The following PARVB variants were observed in gnomAD, a reference collection of about 807,000 sequenced individuals.
PARVB encodes the protein beta-parvin.
In PARVB, 46 loss-of-function variants were observed where a neutral mutation model predicts 47.0. The observed-to-expected ratio is 0.98, with a 90% CI of 0.77 to 1.25. The LOEUF is 1.25. Among genes scored for constraint, PARVB ranks in the 50% most tolerant of loss-of-function variants. The pLI, the probability that PARVB is intolerant of heterozygous loss-of-function variation, is 0.00. For synonymous variants in PARVB, 196 were observed against 196.3 expected (o/e 1.00, Z 0.01); for missense variants, 473 against 471.6 (o/e 1.00, Z -0.03).
At chr22:44,041,462 G>A (rs777825417) in intron 1 of PARVB, among the ~76,000 whole-genome samples, 10 of 151,832 alleles carry the variant, frequency 6.6e-5, no homozygotes, top group Non-Finnish European at 8.8e-5. Flanking sequence ...ACTGCACTCC[G>A]GCCAGGGTGA....
upstream of PARVB, among the ~76,000 whole-genome samples, chr22:44,019,472 G>A (rs1407370668): frequency 2.0e-5 from 3 of 152,190 alleles, no homozygotes; most frequent in Admixed American, 6.5e-5. Context: ...TGCTGGCCTC[G>A]GCCTCTCAAA....
intron 1 of PARVB, among the ~76,000 whole-genome samples, chr22:44,075,033 C>G (rs1239335780): frequency 6.6e-6 from 1 of 152,204 alleles, no homozygotes; most frequent in Non-Finnish European, 1.5e-5. Flanking sequence ...TCCCTGGCCT[C>G]TACACACGAG....
intron 11 of PARVB, among the ~76,000 whole-genome samples, chr22:44,159,207 AT>A (rs1264450390): frequency 6.6e-6 from 1 of 152,224 alleles, no homozygotes; most frequent in Non-Finnish European, 1.5e-5. Flanking sequence ...AAGCGCATGC[AT>A]TTCCAGGCCC....
At chr22:44,060,238 C>T (rs1207703471) in intron 1 of PARVB, among the ~76,000 whole-genome samples, 10 of 152,050 alleles carry the variant, frequency 6.6e-5, no homozygotes, top group Non-Finnish European at 1.5e-5. Context: ...ATCACTTGAA[C>T]CCAGGAGGTG....
chr22:44,154,545 G>A (rs972626210), intron 10 of PARVB, among the ~76,000 whole-genome samples: 1 of 150,640 alleles, frequency 6.6e-6, no homozygotes, highest in African/African-American at 2.4e-5. Flanking sequence ...GTGTGTGTGT[G>A]TGTGTGTGTG....
chr22:44,163,163 C>G lies in PARVB; in HGVS notation c.946-695C>G, dbSNP rs144586535. The stretch of plus-strand genomic sequence containing the variant: ...TCATCCTTTCTGGGCCTCAGTTTCC[C>G]TGTCTGTGAAATGGGGTCACTGTGG... On this transcript the variant is annotated intron_variant, in intron 11 of 12. Transcript: ENST00000338758. Among the ~76,000 whole-genome samples, 304 of 152,302 alleles carry G rather than the reference C, an allele frequency of 2.0e-3. 3 individuals are homozygous for G. The East Asian group carries it at 0.055, about 27-fold the overall frequency.
exon 1 of PARVB, chr22:43,999,211 C>A: frequency 1.4e-6 from 1 of 702,772 alleles, no homozygotes; most frequent in Non-Finnish European, 2.3e-6. Context: ...GTGACTCCTG[C>A]AAAGGCCCTA....
intron 7 of PARVB, among the ~76,000 whole-genome samples, chr22:44,138,632 C>T (rs2053490649): frequency 6.6e-6 from 1 of 152,198 alleles, no homozygotes; most frequent in African/African-American, 2.4e-5. Flanking sequence ...GCAGCATTGC[C>T]ACCTCCTATC....
intron 2 of PARVB, among the ~76,000 whole-genome samples, chr22:44,015,333 G>C (rs2050564909): frequency 6.6e-6 from 1 of 152,036 alleles, no homozygotes. Context: ...GAAAAATCAA[G>C]CTGCAAACAT....
At chr22:44,101,269 C>T (rs890328764) in intron 3 of PARVB, among the ~76,000 whole-genome samples, 22 of 151,874 alleles carry the variant, frequency 1.4e-4, no homozygotes, top group African/African-American at 4.1e-4. Flanking sequence ...ATTAGCCGGG[C>T]GAGGTGGCGG....
intron 1 of PARVB, among the ~76,000 whole-genome samples, chr22:44,053,285 T>C (rs145815892): frequency 0.016 from 2,415 of 152,170 alleles, 31 homozygotes; most frequent in Middle Eastern, 0.037. Context: ...GGTTTCACCA[T>C]GTTGGCCAGG....
intron 10 of PARVB, among the ~76,000 whole-genome samples, chr22:44,154,084 A>C (rs1291612002): frequency 6.6e-6 from 1 of 152,226 alleles, no homozygotes; most frequent in Non-Finnish European, 1.5e-5. Context: ...CCCCACATCC[A>C]TACCAGCTGT....
At chr22:44,151,844 T>C in intron 10 of PARVB, 1 of 348,324 alleles carries the variant, frequency 2.9e-6, no homozygotes, top group Non-Finnish European at 5.5e-6. Context: ...GTGGGTTCCC[T>C]CCAAGGCTGT....
Position 44,070,825 on chromosome 22 carries a change from G to T in PARVB, c.113-23103G>T, listed in dbSNP as rs1037879456. Among the ~76,000 whole-genome samples the T allele has an allele frequency of 4.6e-5, 7 of 152,162 alleles. 1 individual carries two copies. The highest frequency in any genetic ancestry group is 7.3e-5 in the Non-Finnish European group (5 of 68,030). ...TGCCCGCACCTCCTGGGACCTGTGCGGGACTTTGCTCACCTTGCTGTTTCT... is the reference window on the plus strand; with the variant it reads ...TGCCCGCACCTCCTGGGACCTGTGCTGGACTTTGCTCACCTTGCTGTTTCT... On this transcript the variant is annotated intron_variant, in intron 1 of 12. Coordinates refer to ENST00000338758, the MANE Select transcript of PARVB (RefSeq NM_013327.5).
At position 44,024,350 on chromosome 22, in the gene PARVB, C is replaced by T. The variant is rs1474537711; in HGVS notation, c.11C>T (p.Ala4Val). The T allele has an allele frequency of 9.0e-7, 1 of 1,115,238 alleles. No homozygotes were observed. Among genetic ancestry groups the T allele is most frequent in the African/African-American group, 1.7e-5 (1 of 60,006 alleles). 69.1% of individuals were successfully genotyped at this position (1,115,238 alleles called of 1,614,324 possible). The stretch of plus-strand genomic sequence containing the variant: ...CCCCACGCGCGGCCCATGTCCTCCG[C>T]GCCGCGCTCGCCCACCCCGCGGCCC... The part of the protein sequence containing the change: MSS[A>V]PRSPTPRPRR... The change falls in exon 1 of 13, where the codon GCG (alanine) becomes GTG (valine). Residue 4 changes from alanine (A) to valine (V), a missense_variant. Physicochemically the swap from Ala to Val is moderately conservative, Grantham distance 64. Coordinates refer to ENST00000338758, the MANE Select transcript of PARVB (RefSeq NM_013327.5).
chr22:44,115,003 A>T (rs576037672), intron 3 of PARVB: 1 of 83,922 alleles, frequency 1.2e-5, no homozygotes, highest in African/African-American at 6.4e-5. Context: ...ACACAGATAC[A>T]TTGTTACTAA....
At chr22:44,038,063 G>C (rs1185268739) in intron 1 of PARVB, among the ~76,000 whole-genome samples, 1 of 152,230 alleles carries the variant, frequency 6.6e-6, no homozygotes, top group Non-Finnish European at 1.5e-5. Flanking sequence ...CACGTCCCCT[G>C]TTCTCTCTGA....
intron 11 of PARVB, 24 bp from the exon 12 acceptor site, chr22:44,163,834 T>C (rs1251601333): frequency 6.3e-7 from 1 of 1,590,448 alleles, no homozygotes; most frequent in African/African-American, 1.3e-5. Flanking sequence ...ACCCTAACGC[T>C]GACCCACCCC....
At chr22:44,144,997 C>A (rs1003730146) in intron 8 of PARVB, 2 of 155,754 alleles carry the variant, frequency 1.3e-5, no homozygotes, top group Non-Finnish European at 1.4e-5. Flanking sequence ...AGTTTACTCC[C>A]TCTCCAGGCC....
Sources: gnomAD v4.1 joint callset for allele counts (sites outside exome capture counted in the v4.1 genomes callset) on GRCh38, gnomAD v4.1.1 for gene constraint, MANE v1.5 for transcripts, NCBI Gene and HGNC (gene_info 2026-07-23, HGNC 2026-07-21) for gene names.